Variants in ZNF277 observed in about 807,000 individuals in gnomAD.
ZNF277 encodes nuclear receptor-interacting factor 4.
ZNF277 carries 55 observed loss-of-function variants against 60.7 expected under a neutral mutation model. That is an observed-to-expected ratio of 0.91 (90% CI 0.73 to 1.13). ZNF277 has a LOEUF of 1.13. Ranked by LOEUF, ZNF277 falls within the 50% of genes most tolerant of loss-of-function variation. The probability of loss-of-function intolerance (pLI) is 0.00; values close to 1 mark genes in which losing one functional copy is unlikely to be tolerated. For missense variants in ZNF277, 510 were observed against 523.0 expected, an observed-to-expected ratio of 0.98 and a Z score of 0.24; for synonymous variants, 178 against 179.3, an observed-to-expected ratio of 0.99 and a Z score of 0.06.
At chr7:112,237,430 G>C (rs1017749487) in intron 1 of ZNF277, among the ~76,000 whole-genome samples, 1 of 151,872 alleles carries the variant, frequency 6.6e-6, no homozygotes, top group African/African-American at 2.4e-5. Flanking sequence ...AAAAAGTTCT[G>C]TTAAAAAAAG....
chr7:112,256,438 T>G (rs544487724), intron 1 of ZNF277, among the ~76,000 whole-genome samples: 1 of 146,508 alleles, frequency 6.8e-6, no homozygotes, highest in South Asian at 2.2e-4. Flanking sequence ...TTTTTTTTTT[T>G]TTTTTTTTTG....
intron 1 of ZNF277, among the ~76,000 whole-genome samples, chr7:112,248,105 G>T (rs1791123714): frequency 6.6e-6 from 1 of 152,154 alleles, no homozygotes. Context: ...TTCCACCTTG[G>T]AGAGTTGGGT....
chr7:112,286,993 A>G lies in ZNF277; in HGVS notation c.212A>G (p.Glu71Gly). ...TGTGAAGAACATTTTCCTGTGGCTG[A>G]ACAAGACAAACTTCTGAAGCACATG... ...IFCEEHFPVA[E>G]QDKLLKHMII... The change falls in exon 2 of 12, where the codon GAA becomes GGA. Residue 71 changes from glutamate to glycine, a missense_variant. Transcript: ENST00000361822. The G allele has an allele frequency of 6.2e-7, 1 of 1,614,120 alleles. No homozygotes were observed. Among genetic ancestry groups the G allele is most frequent in the Non-Finnish European group, 8.5e-7 (1 of 1,180,014 alleles).
intron 6 of ZNF277, among the ~76,000 whole-genome samples, chr7:112,329,510 T>C (rs2117129117): frequency 6.6e-6 from 1 of 152,320 alleles, no homozygotes. Context: ...GCACAGTTCA[T>C]AGTGCATAGT....
At chr7:112,283,617 C>T (rs892689759) in intron 1 of ZNF277, among the ~76,000 whole-genome samples, 3 of 152,132 alleles carry the variant, frequency 2.0e-5, no homozygotes, top group Non-Finnish European at 4.4e-5. Flanking sequence ...GTTTCTAGAC[C>T]TTTGCAGTAA....
chr7:112,206,782 C>A lies in ZNF277; in HGVS notation c.66C>A (p.Ser22Arg). 1 of 1,613,350 alleles carries A rather than the reference C, an allele frequency of 6.2e-7. No individual in the cohort carries two copies. The highest frequency in any genetic ancestry group is 8.5e-7 in the Non-Finnish European group (1 of 1,179,700). The part of the protein sequence containing the change: ...RMQEDRDGSC[S>R]TVGGVGYGDS... ...AGGAAGACCGTGATGGGAGCTGCAG[C>A]ACAGTCGGGGGTGTAGGTTATGGGG... Residue 22 changes from serine (S) to arginine (R), a missense_variant, in exon 1 of 12, where the codon AGC (serine) becomes AGA (arginine). Transcript: ENST00000361822.
chr7:112,288,569 A>G (rs981086209), intron 2 of ZNF277: 2 of 152,218 alleles, frequency 1.3e-5, no homozygotes, highest in African/African-American at 4.8e-5. Flanking sequence ...CATCTATAAA[A>G]TGGGGGTAAC....
In ZNF277 at chr7:112,340,875, T is replaced by TA. The variant is rs1238448659; in HGVS notation, c.1016dup (p.Asn339LysfsTer42). ...TTCTGTATTTTGTCATTTTCAGGAT[T>TA]AAATTTCTATCAGCAAGTGAAACTG... is the stretch of plus-strand genomic sequence containing the variant. On this transcript the variant is annotated frameshift_variant, in exon 11 of 12. Transcript: ENST00000361822. LOFTEE classifies it high-confidence loss of function. The TA allele has an allele frequency of 6.2e-7, 1 of 1,609,816 alleles. No individual in the cohort carries two copies. Among genetic ancestry groups the TA allele is most frequent in the Non-Finnish European group, 8.5e-7 (1 of 1,178,474 alleles).
intron 1 of ZNF277, among the ~76,000 whole-genome samples, chr7:112,231,121 G>A: frequency 6.6e-6 from 1 of 151,802 alleles, no homozygotes; most frequent in East Asian, 1.9e-4. Flanking sequence ...GGCTGAGGCA[G>A]GAGAATCACT....
rs114229915 is a variant in ZNF277 at position 112,315,951 on chromosome 7, G to T, written c.466-2231G>T. Among the ~76,000 whole-genome samples the T allele has an allele frequency of 9.4e-3, 1,435 of 152,174 alleles. 18 individuals carry two copies. The highest frequency in any genetic ancestry group is 0.032 in the African/African-American group (1,344 of 41,518). On this transcript the variant is annotated intron_variant, in intron 4 of 11. Coordinates refer to ENST00000361822, the MANE Select transcript of ZNF277 (RefSeq NM_021994.3). ...TGTCCCCTGGCTTCTGAAGTTGTTT[G>T]TTCACTAAATAAGAAGGTCATTGTT...
chr7:112,237,608 G>C (rs376685924), intron 1 of ZNF277, among the ~76,000 whole-genome samples: 1 of 152,148 alleles, frequency 6.6e-6, no homozygotes, highest in East Asian at 1.9e-4. Context: ...AGAGGAAATG[G>C]ATACATTTCT....
intron 2 of ZNF277, among the ~76,000 whole-genome samples, chr7:112,289,757 T>C (rs1227999408): frequency 1.3e-5 from 2 of 152,188 alleles, no homozygotes; most frequent in Non-Finnish European, 2.9e-5. Context: ...TTTATTTTTC[T>C]TTTTGAGTCC....
At chr7:112,270,796 C>T (rs1791650987) in intron 1 of ZNF277, among the ~76,000 whole-genome samples, 2 of 151,874 alleles carry the variant, frequency 1.3e-5, no homozygotes, top group Admixed American at 1.3e-4. Context: ...CTTATACTAA[C>T]TTATAAAGTT....
intron 4 of ZNF277, among the ~76,000 whole-genome samples, chr7:112,315,151 C>G (rs985844325): frequency 2.0e-5 from 3 of 152,014 alleles, no homozygotes; most frequent in African/African-American, 7.3e-5. Flanking sequence ...AAGAAACAAA[C>G]CCTACCAGAT....
intron 1 of ZNF277, among the ~76,000 whole-genome samples, chr7:112,216,161 ATC>A (rs34287383): frequency 0.13 from 20,215 of 152,242 alleles, 1,413 homozygotes; most frequent in East Asian, 0.16. Context: ...TTAAATATGC[ATC>A]CACTCACAAA....
At chr7:112,278,575 G>C (rs1021249474) in intron 1 of ZNF277, among the ~76,000 whole-genome samples, 1 of 152,082 alleles carries the variant, frequency 6.6e-6, no homozygotes, top group Non-Finnish European at 1.5e-5. Context: ...GAACAACTCT[G>C]TCGGGTGGAA....
At chr7:112,217,666 C>A (rs1423326011) in intron 1 of ZNF277, among the ~76,000 whole-genome samples, 1 of 152,124 alleles carries the variant, frequency 6.6e-6, no homozygotes, top group African/African-American at 2.4e-5. Context: ...CAAAACAAAC[C>A]CGCTTCTTGC....
chr7:112,299,056 C>T (rs950598546), intron 4 of ZNF277, among the ~76,000 whole-genome samples: 10 of 151,934 alleles, frequency 6.6e-5, no homozygotes, highest in African/African-American at 2.4e-4. Context: ...TACAATAGCC[C>T]GCCACTGGAA....
At chr7:112,262,872 G>C (rs1587128832) in intron 1 of ZNF277, among the ~76,000 whole-genome samples, 1 of 152,100 alleles carries the variant, frequency 6.6e-6, no homozygotes, top group East Asian at 1.9e-4. Context: ...AAATAGTACA[G>C]AGCAGTAATA....
Sources: gnomAD v4.1 joint callset for allele counts (sites outside exome capture counted in the v4.1 genomes callset) on GRCh38, gnomAD v4.1.1 for gene constraint, MANE v1.5 for transcripts, NCBI Gene and HGNC (gene_info 2026-07-23, HGNC 2026-07-21) for gene names.